The following TENM2 variants were observed in gnomAD, a reference collection of about 807,000 sequenced individuals.
TENM2 encodes the protein teneurin transmembrane protein 2.
In TENM2, 52 loss-of-function variants were observed where a neutral mutation model predicts 245.2. The ratio of observed to expected loss-of-function variants is 0.21; its 90% CI spans 0.17 to 0.27. The LOEUF (loss-of-function observed/expected upper bound fraction) is 0.27, where lower values mean the gene tolerates loss of function less well. Ranked by LOEUF, TENM2 falls within the 10% of genes least tolerant of loss-of-function variation. The pLI, the probability that TENM2 is intolerant of heterozygous loss-of-function variation, is 1.00. For missense variants in TENM2, 3,046 were observed against 3,666.8 expected (o/e 0.83, Z 4.37); for synonymous variants, 1,363 against 1,438.9 (o/e 0.95, Z 1.19).
At chr5:167,040,334 A>G in the TENM2 span, among the ~76,000 whole-genome samples, 1 of 152,166 alleles carries the variant, frequency 6.6e-6, no homozygotes, top group Admixed American at 6.5e-5. Flanking sequence ...TTTGAAGTTA[A>G]CAATTGAGGC....
intron 2 of TENM2, among the ~76,000 whole-genome samples, chr5:167,460,562 C>T (rs1015543261): frequency 6.6e-6 from 1 of 151,754 alleles, no homozygotes; most frequent in Non-Finnish European, 1.5e-5. Flanking sequence ...GATGATGACC[C>T]TGACATGTCA....
chr5:167,424,973 A>G (rs1763726664), intron 2 of TENM2, among the ~76,000 whole-genome samples: 2 of 152,236 alleles, frequency 1.3e-5, no homozygotes, highest in African/African-American at 4.8e-5. Context: ...TATTATAAGT[A>G]TATCACAAAT....
At chr5:168,215,983 C>T (rs778704106) in intron 21 of TENM2, among the ~76,000 whole-genome samples, 1 of 152,194 alleles carries the variant, frequency 6.6e-6, no homozygotes, top group Non-Finnish European at 1.5e-5. Flanking sequence ...GGTATAATTT[C>T]CAGGGGTCCA....
the TENM2 span, among the ~76,000 whole-genome samples, chr5:167,099,651 T>G: frequency 1.3e-5 from 2 of 152,132 alleles, no homozygotes; most frequent in African/African-American, 4.8e-5. Context: ...GCTGAGATGG[T>G]GCCATTGCAC....
At position 167,527,876 on chromosome 5, in the gene TENM2, C is replaced by T. The variant is rs545006173; in HGVS notation, c.502+152403C>T. ...TTAACCTTCAATGTACTAACAAGGC[C>T]GAGTCCATCTTTTTTCTATCAGAGT... On this transcript the variant is annotated intron_variant, in intron 2 of 28. Transcript: ENST00000518659. Among the ~76,000 whole-genome samples the T allele has an allele frequency of 4.6e-5, 7 of 152,106 alleles. No homozygotes were observed. In the East Asian group the frequency reaches 5.8e-4, roughly 13 times the overall value.
intron 2 of TENM2, among the ~76,000 whole-genome samples, chr5:167,614,698 C>A (rs73382934): frequency 0.047 from 7,131 of 152,096 alleles, 420 homozygotes; most frequent in East Asian, 0.15. Flanking sequence ...AGAAGCACAT[C>A]AAAATGAGCA....
chr5:167,760,793 A>G (rs1425182761), intron 2 of TENM2, among the ~76,000 whole-genome samples: 1 of 152,126 alleles, frequency 6.6e-6, no homozygotes, highest in African/African-American at 2.4e-5. Flanking sequence ...AGCAGGGATT[A>G]CAGGCGCGTG....
At chr5:167,615,872 G>GA (rs903409776) in intron 2 of TENM2, among the ~76,000 whole-genome samples, 129 of 151,812 alleles carry the variant, frequency 8.5e-4, no homozygotes, top group African/African-American at 2.9e-3. Flanking sequence ...ACTTTTGATA[G>GA]AAAAAAAATC....
chr5:167,845,556 G>A (rs1027459239), intron 2 of TENM2, among the ~76,000 whole-genome samples: 1 of 152,030 alleles, frequency 6.6e-6, no homozygotes, highest in African/African-American at 2.4e-5. Flanking sequence ...CCAGTGTTGG[G>A]CAGGTCACAT....
intron 2 of TENM2, among the ~76,000 whole-genome samples, chr5:167,613,895 A>G (rs1169828463): frequency 3.3e-5 from 5 of 149,680 alleles, no homozygotes; most frequent in African/African-American, 5.1e-5. Flanking sequence ...TTAAAATCTT[A>G]TATTTCTCTA....
intron 23 of TENM2, among the ~76,000 whole-genome samples, chr5:168,223,804 A>G (rs1763892560): frequency 6.6e-6 from 1 of 152,134 alleles, no homozygotes; most frequent in Non-Finnish European, 1.5e-5. Context: ...GGAAAATGCA[A>G]AGAAGAAAAT....
At chr5:167,050,199 G>GGCAGGAGGTGA in the TENM2 span, among the ~76,000 whole-genome samples, 1 of 152,136 alleles carries the variant, frequency 6.6e-6, no homozygotes, top group South Asian at 2.1e-4. Context: ...AGGGCTGCAT[G>GGCAGGAGGTGA]GCAGGAGGTG....
At chr5:167,732,504 G>C (rs1011911299) in intron 2 of TENM2, among the ~76,000 whole-genome samples, 1 of 152,118 alleles carries the variant, frequency 6.6e-6, no homozygotes, top group South Asian at 2.1e-4. Context: ...AAGATGATAA[G>C]TATGTTTTTT....
chr5:167,668,042 T>A (rs1755687178), intron 2 of TENM2, among the ~76,000 whole-genome samples: 1 of 152,196 alleles, frequency 6.6e-6, no homozygotes, highest in Non-Finnish European at 1.5e-5. Context: ...CATTGGCCCT[T>A]GATGGCACAA....
At chr5:167,144,211 C>T in the TENM2 span, among the ~76,000 whole-genome samples, 2 of 152,024 alleles carry the variant, frequency 1.3e-5, no homozygotes, top group African/African-American at 4.8e-5. Flanking sequence ...GAGCGGTTCG[C>T]ATTTGTGTGC....
At chr5:167,602,835 T>C (rs1776733128) in intron 2 of TENM2, among the ~76,000 whole-genome samples, 1 of 152,058 alleles carries the variant, frequency 6.6e-6, no homozygotes, top group South Asian at 2.1e-4. Context: ...GAAAATTTCA[T>C]AGAGATAAAG....
chr5:167,199,101 A>G, the TENM2 span, among the ~76,000 whole-genome samples: 2 of 150,202 alleles, frequency 1.3e-5, no homozygotes, highest in South Asian at 2.1e-4. Context: ...ATGAAGTAAA[A>G]AAAAAAAAAA....
At chr5:167,928,416 A>G (rs1303202311) in intron 3 of TENM2, among the ~76,000 whole-genome samples, 1 of 152,218 alleles carries the variant, frequency 6.6e-6, no homozygotes, top group East Asian at 1.9e-4. Context: ...TTACTAACGT[A>G]TCCCAGGCAC....
At chr5:168,089,223 A>G (rs1014655289) in intron 7 of TENM2, among the ~76,000 whole-genome samples, 9 of 151,950 alleles carry the variant, frequency 5.9e-5, no homozygotes, top group African/African-American at 2.2e-4. Context: ...TGTTCCTCCA[A>G]AGTTGTCCCC....
Sources: allele counts gnomAD v4.1 joint callset (sites outside exome capture counted in the v4.1 genomes callset), GRCh38; gene constraint gnomAD v4.1.1; transcripts MANE v1.5; gene names NCBI Gene and HGNC (gene_info 2026-07-23, HGNC 2026-07-21).